The following TAF4B variants were observed in gnomAD, a reference collection of about 807,000 sequenced individuals.
TAF4B encodes the protein TATA-box binding protein associated factor 4b.
A neutral mutation model predicts 86.4 loss-of-function variants in TAF4B; 38 were observed. The observed-to-expected ratio is 0.44, with a 90% CI of 0.34 to 0.58. TAF4B has a LOEUF of 0.58. Ranked by LOEUF, TAF4B falls within the 20% of genes least tolerant of loss-of-function variation. The pLI is 0.02. For synonymous variants in TAF4B, 388 were observed against 391.2 expected (o/e 0.99, Z 0.10); for missense variants, 988 against 1,027.6 (o/e 0.96, Z 0.53).
intron 12 of TAF4B, among the ~76,000 whole-genome samples, chr18:26,328,275 C>T (rs1318369135): frequency 1.3e-5 from 2 of 151,912 alleles, no homozygotes; most frequent in Non-Finnish European, 2.9e-5. Context: ...ATGGTGAAAC[C>T]CCATCTCAAC....
chr18:26,269,609 A>G (rs565932422), intron 3 of TAF4B, among the ~76,000 whole-genome samples: 4 of 152,190 alleles, frequency 2.6e-5, no homozygotes, highest in Admixed American at 2.6e-4. Context: ...CGTTCTTTTC[A>G]TCTAACAGAA....
At chr18:26,384,896 G>A (rs1467068758) in intron 14 of TAF4B, among the ~76,000 whole-genome samples, 1 of 152,198 alleles carries the variant, frequency 6.6e-6, no homozygotes, top group African/African-American at 2.4e-5. Flanking sequence ...GAGACAACGA[G>A]TGTTTGCCAC....
intron 1 of TAF4B, among the ~76,000 whole-genome samples, chr18:26,247,799 T>C (rs1017624767): frequency 1.3e-5 from 2 of 152,042 alleles, no homozygotes; most frequent in African/African-American, 4.8e-5. Flanking sequence ...CGAGAATCAC[T>C]TGAGCCCAGA....
intron 13 of TAF4B, among the ~76,000 whole-genome samples, chr18:26,342,322 ATTG>A (rs773503359): frequency 3.3e-5 from 5 of 152,106 alleles, no homozygotes; most frequent in Admixed American, 6.5e-5. Flanking sequence ...GATTTCCCAT[ATTG>A]TCTATATCAT....
chr18:26,233,022 G>C (rs926510467), intron 1 of TAF4B, among the ~76,000 whole-genome samples: 1 of 152,166 alleles, frequency 6.6e-6, no homozygotes. Flanking sequence ...TTGGGACTTA[G>C]GAAGACTAAG....
At chr18:26,305,980 G>A (rs1445779936) in intron 9 of TAF4B, among the ~76,000 whole-genome samples, 1 of 152,098 alleles carries the variant, frequency 6.6e-6, no homozygotes, top group Non-Finnish European at 1.5e-5. Context: ...TTAGAATTTG[G>A]TAAGGTTGTA....
chr18:26,373,519 G>C (rs1047449145), intron 14 of TAF4B, among the ~76,000 whole-genome samples: 26 of 152,104 alleles, frequency 1.7e-4, no homozygotes, highest in African/African-American at 6.3e-4. Context: ...AATATAAAAA[G>C]AAATTAAAGG....
Position 26,357,739 on chromosome 18 carries a change from C to G in TAF4B, c.2366C>G (p.Thr789Arg). ...AQIQHRDANLTALAAIGPRKK... is the reference protein window; with the variant it reads ...AQIQHRDANLRALAAIGPRKK... Reference sequence around the variant, plus strand: ...ATACAGCATAGAGACGCTAATCTCACAGCTCTTGCAGCTATTGGACCAAGG... The same window carrying G: ...ATACAGCATAGAGACGCTAATCTCAGAGCTCTTGCAGCTATTGGACCAAGG... The change falls in exon 14 of 15, where the codon ACA (threonine) becomes AGA (arginine). Residue 789 changes from threonine (T) to arginine (R), a missense_variant. By Grantham distance (71) the Thr-to-Arg change is moderately conservative. Around this residue, in one of 3 missense-constraint regions of TAF4B, gnomAD observed 216 missense variants for 238.4 expected, o/e 0.91. Coordinates refer to ENST00000269142, the MANE Select transcript of TAF4B (RefSeq NM_005640.3). 3 of 1,613,382 alleles carry G rather than the reference C, an allele frequency of 1.9e-6. No homozygotes were observed. Among genetic ancestry groups the G allele is most frequent in the Non-Finnish European group, 2.5e-6 (3 of 1,179,638 alleles).
At chr18:26,245,041 G>A (rs2055901690) in intron 1 of TAF4B, among the ~76,000 whole-genome samples, 1 of 151,630 alleles carries the variant, frequency 6.6e-6, no homozygotes, top group East Asian at 1.9e-4. Flanking sequence ...GCAAACCAAC[G>A]CTCCGAACTC....
intron 1 of TAF4B, among the ~76,000 whole-genome samples, chr18:26,254,980 C>T (rs534413637): frequency 2.8e-4 from 42 of 152,280 alleles, no homozygotes; most frequent in African/African-American, 1.0e-3. Context: ...AAATTATTAA[C>T]AGCTGCCTCT....
intron 1 of TAF4B, among the ~76,000 whole-genome samples, chr18:26,253,477 T>G (rs1019259807): frequency 1.3e-5 from 2 of 152,216 alleles, no homozygotes; most frequent in South Asian, 2.1e-4. Flanking sequence ...GGATTCAGTT[T>G]GCTAGTACTT....
intron 9 of TAF4B, chr18:26,295,157 T>G (rs1343558393): frequency 3.2e-6 from 1 of 311,672 alleles, no homozygotes; most frequent in Non-Finnish European, 6.4e-6. Flanking sequence ...ATTTGTACCT[T>G]AGTCTTCCTC....
intron 14 of TAF4B, among the ~76,000 whole-genome samples, chr18:26,385,439 G>A (rs1444181648): frequency 6.6e-6 from 1 of 152,162 alleles, no homozygotes; most frequent in African/African-American, 2.4e-5. Context: ...ACATTAATGA[G>A]TAACAATTAT....
intron 13 of TAF4B, among the ~76,000 whole-genome samples, chr18:26,353,181 T>C (rs1219529942): frequency 6.6e-6 from 1 of 152,120 alleles, no homozygotes; most frequent in Non-Finnish European, 1.5e-5. Flanking sequence ...AAACAAAATG[T>C]TAGCAAATCA....
intron 7 of TAF4B, 31 bp downstream of exon 7, chr18:26,286,530 C>A: frequency 6.4e-7 from 1 of 1,554,226 alleles, no homozygotes; most frequent in South Asian, 1.3e-5. Flanking sequence ...TCCCCAGTTA[C>A]TTATTTTGAA....
intron 1 of TAF4B, among the ~76,000 whole-genome samples, chr18:26,264,036 G>A (rs1010214633): frequency 5.5e-4 from 83 of 152,248 alleles, no homozygotes; most frequent in African/African-American, 1.9e-3. Flanking sequence ...AGTTTATTTG[G>A]GCCGAGGTTG....
intron 9 of TAF4B, among the ~76,000 whole-genome samples, chr18:26,313,200 A>G (rs145757738): frequency 6.6e-6 from 1 of 152,306 alleles, no homozygotes; most frequent in Admixed American, 6.5e-5. Flanking sequence ...TGGAGGAGGA[A>G]ACTGAGTCCC....
At chr18:26,334,429 G>T (rs1479025246) in intron 12 of TAF4B, among the ~76,000 whole-genome samples, 1 of 152,052 alleles carries the variant, frequency 6.6e-6, no homozygotes, top group Non-Finnish European at 1.5e-5. Flanking sequence ...GTCATGGTGA[G>T]AAAAAAGGAT....
chr18:26,390,022 T>TCTTC lies in TAF4B; in HGVS notation c.*12_*15dup. 6.2e-7 allele frequency: 1 copy of TCTTC among 1,611,886 alleles called. No homozygotes were observed. Among genetic ancestry groups the TCTTC allele is most frequent in the Non-Finnish European group, 8.5e-7 (1 of 1,178,992 alleles). ...GGCCCTTCTGAAGTGACCACTCCAC[T>TCTTC]CTTCCATCCAGATCCTTGCTATTTA... On this transcript the variant is annotated 3_prime_UTR_variant, in exon 15 of 15. Coordinates refer to ENST00000269142, the MANE Select transcript of TAF4B (RefSeq NM_005640.3).
Sources: allele counts gnomAD v4.1 joint callset (sites outside exome capture counted in the v4.1 genomes callset), GRCh38; gene constraint gnomAD v4.1.1; regional missense constraint gnomAD v4.1.1; transcripts MANE v1.5; gene names NCBI Gene and HGNC (gene_info 2026-07-23, HGNC 2026-07-21).